Variants in OTUB2 observed in about 807,000 individuals in gnomAD.
The protein encoded by OTUB2 is OTU deubiquitinase, ubiquitin aldehyde binding 2, also known as ubiquitin thioesterase OTUB2.
In OTUB2, 21 loss-of-function variants were observed where a neutral mutation model predicts 25.1. The observed-to-expected ratio is 0.84, with a 90% confidence interval of 0.59 to 1.21. The LOEUF (loss-of-function observed/expected upper bound fraction) is 1.21. Among genes scored for constraint, OTUB2 ranks in the 50% most tolerant of loss-of-function variants. OTUB2 has a pLI of 0.00. For synonymous variants in OTUB2, 122 were observed against 122.8 expected, an observed-to-expected ratio of 0.99 and a Z score of 0.04; for missense variants, 283 against 298.0, an observed-to-expected ratio of 0.95 and a Z score of 0.37.
chr14:94,035,967 G>A (rs902497625), intron 1 of OTUB2, among the ~76,000 whole-genome samples: 5 of 152,158 alleles, frequency 3.3e-5, no homozygotes, highest in African/African-American at 4.8e-5. Flanking sequence ...CCAGATGGAA[G>A]TTTGCCATCT....
At chr14:94,044,929 G>A (rs1885241527) in intron 5 of OTUB2, 149 bp downstream of exon 5, 1 of 807,632 alleles carries the variant, frequency 1.2e-6, no homozygotes, top group Non-Finnish European at 1.9e-6. Context: ...CTGCAGACAG[G>A]TCCCACCTGA....
chr14:94,042,832 T>A (rs920224009), intron 3 of OTUB2, among the ~76,000 whole-genome samples: 1 of 152,150 alleles, frequency 6.6e-6, no homozygotes, highest in African/African-American at 2.4e-5. Context: ...ACCCCTGCAG[T>A]CAAGGCGTCA....
chr14:94,033,122 G>C (rs1415921975), intron 1 of OTUB2, among the ~76,000 whole-genome samples: 1 of 152,112 alleles, frequency 6.6e-6, no homozygotes, highest in Non-Finnish European at 1.5e-5. Context: ...ATGTTGGCCA[G>C]GATGGTCTTG....
At chr14:94,032,235 A>G (rs1183611837) in intron 1 of OTUB2, among the ~76,000 whole-genome samples, 1 of 152,228 alleles carries the variant, frequency 6.6e-6, no homozygotes, top group Non-Finnish European at 1.5e-5. Flanking sequence ...AGCTAGCCCA[A>G]GGTTCCATCA....
At position 94,043,981 on chromosome 14, in the gene OTUB2, C is replaced by T. The variant is rs374972366; in HGVS notation, c.229C>T (p.Arg77Cys). ...KSREIFKFKE[R>C]VLQTPNDLLA... ...CTTCCCCCTCTGTAGGTTCAAAGAA[C>T]GCGTACTGCAGACCCCAAATGACCT... Residue 77 changes from arginine to cysteine, a missense_variant, in exon 4 of 6, where the codon CGC (arginine) becomes TGC (cysteine). Physicochemically the swap from Arg to Cys is radical, Grantham distance 180 (BLOSUM62 -3). Transcript: ENST00000203664. 4.0e-5 allele frequency: 64 copies of T among 1,614,126 alleles called. No homozygotes were observed. The highest frequency in any genetic ancestry group is 2.0e-4 in the South Asian group (18 of 91,082).
At chr14:94,044,336 T>C (rs536520511) in intron 4 of OTUB2, among the ~76,000 whole-genome samples, 3 of 152,250 alleles carry the variant, frequency 2.0e-5, no homozygotes, top group African/African-American at 7.2e-5. Context: ...CAAACCCAGG[T>C]AGTCATGGTG....
chr14:94,031,932 A>G (rs1354040176), intron 1 of OTUB2, among the ~76,000 whole-genome samples: 1 of 152,134 alleles, frequency 6.6e-6, no homozygotes, highest in Admixed American at 6.5e-5. Flanking sequence ...CATCCTAGAA[A>G]TTTTCAGCCA....
intron 3 of OTUB2, among the ~76,000 whole-genome samples, chr14:94,039,999 G>A (rs1000843042): frequency 6.6e-6 from 1 of 152,112 alleles, no homozygotes. Context: ...CCTATGCATT[G>A]TAGGCCTATT....
intron 1 of OTUB2, among the ~76,000 whole-genome samples, chr14:94,034,249 A>C (rs1885010341): frequency 6.6e-6 from 1 of 152,190 alleles, no homozygotes; most frequent in African/African-American, 2.4e-5. Context: ...TGTGATGAGC[A>C]CGTCTTGGGC....
chr14:94,043,513 C>G (rs1885202400), intron 3 of OTUB2, among the ~76,000 whole-genome samples: 1 of 152,248 alleles, frequency 6.6e-6, no homozygotes, highest in African/African-American at 2.4e-5. Flanking sequence ...AACAACCCAG[C>G]ATGCGCAGAG....
intron 5 of OTUB2, among the ~76,000 whole-genome samples, chr14:94,045,350 G>T (rs1319126283): frequency 6.6e-6 from 1 of 152,114 alleles, no homozygotes. Context: ...AGCTTGAAAG[G>T]CACCCCTGGA....
chr14:94,031,883 A>G (rs1327132409), intron 1 of OTUB2, among the ~76,000 whole-genome samples: 1 of 152,246 alleles, frequency 6.6e-6, no homozygotes, highest in Non-Finnish European at 1.5e-5. Context: ...ATTAGGTCTG[A>G]CAGGACATTG....
intron 1 of OTUB2, among the ~76,000 whole-genome samples, chr14:94,031,579 C>T (rs1482599179): frequency 6.6e-6 from 1 of 152,170 alleles, no homozygotes; most frequent in African/African-American, 2.4e-5. Context: ...TCTTTAATCT[C>T]AGCTGGCGTT....
chr14:94,040,845 C>T (rs550700564), intron 3 of OTUB2, among the ~76,000 whole-genome samples: 7 of 152,258 alleles, frequency 4.6e-5, no homozygotes, highest in Non-Finnish European at 5.9e-5. Flanking sequence ...GGAAGGAGGC[C>T]GAGGAGTGCA....
chr14:94,032,182 C>G (rs1224615923), intron 1 of OTUB2, among the ~76,000 whole-genome samples: 2 of 152,106 alleles, frequency 1.3e-5, no homozygotes, highest in Non-Finnish European at 2.9e-5. Context: ...CCCCTTGTCC[C>G]CAGGTCCCCC....
At chr14:94,036,508 G>T (rs1460817365) in intron 1 of OTUB2, among the ~76,000 whole-genome samples, 1 of 152,094 alleles carries the variant, frequency 6.6e-6, no homozygotes, top group African/African-American at 2.4e-5. Flanking sequence ...TCTCCTGCTT[G>T]TTTGAGCCCT....
chr14:94,027,389 C>G (rs1034293131), intron 1 of OTUB2, among the ~76,000 whole-genome samples: 18 of 152,198 alleles, frequency 1.2e-4, no homozygotes, highest in Non-Finnish European at 2.1e-4. Flanking sequence ...TGCCTAAGAC[C>G]CTTCAACCCT....
chr14:94,036,473 G>A (rs901518577), intron 1 of OTUB2, among the ~76,000 whole-genome samples: 4 of 152,054 alleles, frequency 2.6e-5, no homozygotes, highest in Non-Finnish European at 5.9e-5. Context: ...AAGCGGCTCT[G>A]GGTGGGTTGG....
At position 94,045,866 on chromosome 14, in the gene OTUB2, T is replaced by C. The variant is rs771424064; in HGVS notation, c.649T>C (p.Tyr217His). ...VFPEAATPSVYLLYKTSHYNI... is the reference protein window; with the variant it reads ...VFPEAATPSVHLLYKTSHYNI... The stretch of plus-strand genomic sequence containing the variant: ...CCCTGAGGCCGCCACCCCTTCCGTT[T>C]ACCTGCTCTATAAAACATCCCACTA... The change falls in exon 6 of 6, where the codon TAC becomes CAC. Residue 217 changes from tyrosine (Y) to histidine (H), a missense_variant. Coordinates refer to ENST00000203664, the MANE Select transcript of OTUB2 (RefSeq NM_023112.4). The C allele has an allele frequency of 2.5e-6, 4 of 1,614,108 alleles. No individual in the cohort carries two copies. In the African/African-American group the frequency reaches 5.3e-5, roughly 22 times the overall value.
Sources: gnomAD v4.1 joint callset for allele counts (sites outside exome capture counted in the v4.1 genomes callset) on GRCh38, gnomAD v4.1.1 for gene constraint, MANE v1.5 for transcripts, NCBI Gene and HGNC (gene_info 2026-07-23, HGNC 2026-07-21) for gene names.